Variants in RSL1D1 observed in about 807,000 individuals in gnomAD.
RSL1D1 encodes ribosomal L1 domain containing 1, also known as ribosomal L1 domain-containing protein 1.
Under a neutral mutation model 44.6 loss-of-function variants are expected in RSL1D1, and 34 were observed. The ratio of observed to expected loss-of-function variants is 0.76; its 90% confidence interval spans 0.58 to 1.02. The LOEUF (loss-of-function observed/expected upper bound fraction) is 1.02, where lower values mean the gene tolerates loss of function less well. Among genes scored for constraint, RSL1D1 ranks in the 50% least tolerant of loss-of-function variants. The pLI is 0.00. For missense variants in RSL1D1, 767 were observed against 568.1 expected, an observed-to-expected ratio of 1.35 and a Z score of -3.56; for synonymous variants, 271 against 207.4, an observed-to-expected ratio of 1.31 and a Z score of -2.63.
intron 5 of RSL1D1, among the ~76,000 whole-genome samples, chr16:11,843,228 C>A (rs1248453474): frequency 1.3e-5 from 2 of 151,684 alleles, no homozygotes; most frequent in Non-Finnish European, 2.9e-5. Flanking sequence ...AACCACTGCG[C>A]CCGGCCTAAT....
chr16:11,845,533 G>T (rs1400396050), intron 5 of RSL1D1, among the ~76,000 whole-genome samples: 1 of 152,022 alleles, frequency 6.6e-6, no homozygotes, highest in African/African-American at 2.4e-5. Flanking sequence ...CCAATGCAGT[G>T]ACCATCAGCC....
chr16:11,841,177 A>G (rs942742146), intron 7 of RSL1D1, among the ~76,000 whole-genome samples: 1 of 152,200 alleles, frequency 6.6e-6, no homozygotes. Context: ...TGGGAGCCCA[A>G]GGCAGGCGGA....
chr16:11,839,606 T>C (rs2053749369), intron 8 of RSL1D1, 89 bp downstream of exon 8: 1 of 1,526,414 alleles, frequency 6.6e-7, no homozygotes, highest in Admixed American at 2.2e-5. Context: ...ACTCTAGTAT[T>C]TTTCATCATT....
chr16:11,837,882 C>A lies in RSL1D1; in HGVS notation c.1378G>T (p.Ala460Ser), dbSNP rs1218473635. 6.2e-7 allele frequency: 1 copy of A among 1,614,012 alleles called. No homozygotes were observed. The highest frequency in any genetic ancestry group is 8.5e-7 in the Non-Finnish European group (1 of 1,180,008). Residue 460 changes from alanine (A) to serine (S), a missense_variant, in exon 9 of 9, where the codon GCC becomes TCC. Coordinates refer to ENST00000571133, the MANE Select transcript of RSL1D1 (RefSeq NM_015659.3). ...DARQTPKKPE[A>S]KFFTTPSKSV... ...TTACTAGGAGTGGTGAAAAACTTGG[C>A]CTCTGGCTTTTTTGGAGTCTGTCTC...
chr16:11,848,118 T>C (rs902638915), intron 2 of RSL1D1, among the ~76,000 whole-genome samples: 24 of 152,032 alleles, frequency 1.6e-4, no homozygotes, highest in African/African-American at 5.6e-4. Flanking sequence ...CCAGGCACGG[T>C]GGTAGGTGCC....
chr16:11,840,555 GAAAC>G (rs1385072421), intron 7 of RSL1D1, among the ~76,000 whole-genome samples: 21 of 152,248 alleles, frequency 1.4e-4, no homozygotes, highest in Admixed American at 2.6e-4. Context: ...GCGACAGAGT[GAAAC>G]TCTGTCTCAA....
intron 5 of RSL1D1, among the ~76,000 whole-genome samples, chr16:11,843,213 G>A (rs1163998657): frequency 6.6e-6 from 1 of 151,648 alleles, no homozygotes; most frequent in Non-Finnish European, 1.5e-5. Flanking sequence ...GGGATTACAG[G>A]CGTGAACCAC....
chr16:11,848,190 T>C (rs1218471765), intron 2 of RSL1D1, among the ~76,000 whole-genome samples: 2 of 151,950 alleles, frequency 1.3e-5, no homozygotes, highest in Non-Finnish European at 2.9e-5. Flanking sequence ...AAGGTGGAGG[T>C]TGCAGTGAGC....
rs755008165 is a variant in RSL1D1 at position 11,839,961 on chromosome 16, T to C, written c.880A>G (p.Arg294Gly). Residue 294 changes from arginine (R) to glycine (G), a missense_variant, in exon 8 of 9, where the codon AGA (arginine) becomes GGA (glycine). Physicochemically the swap from Arg to Gly is moderately radical, Grantham distance 125. Transcript: ENST00000571133. ...KKEARRKRRE[R>G]NFEKQKERKK... The stretch of plus-strand genomic sequence containing the variant: ...CTCTCCTTTTGTTTTTCAAAATTTC[T>C]TTCTCTTCGTTTTCTCCTTGCCTCC... 5 of 1,612,360 alleles carry C rather than the reference T, an allele frequency of 3.1e-6. No homozygotes were observed. The highest frequency in any genetic ancestry group is 3.4e-5 in the Admixed American group (2 of 59,604).
chr16:11,842,097 T>G, intron 5 of RSL1D1, 97 bp from the exon 6 acceptor site: 1 of 836,750 alleles, frequency 1.2e-6, no homozygotes, highest in Non-Finnish European at 1.8e-6. Context: ...AATCCTCAAG[T>G]TTTTCTTTTT....
At chr16:11,840,589 T>C (rs562618239) in intron 7 of RSL1D1, among the ~76,000 whole-genome samples, 15 of 152,206 alleles carry the variant, frequency 9.9e-5, no homozygotes, top group South Asian at 2.1e-4. Context: ...TAAAAATTCA[T>C]TGGACACAAT....
In RSL1D1 at chr16:11,837,547, C is replaced by T. The variant is rs2053730629; in HGVS notation, c.*240G>A. On this transcript the variant is annotated 3_prime_UTR_variant, in exon 9 of 9. Coordinates refer to ENST00000571133, the MANE Select transcript of RSL1D1 (RefSeq NM_015659.3). Reference sequence around the variant, plus strand: ...TGTATTTTTGGTACAGACAGGGTTTCACCATGTTGGCCAGGATGGTCTCGA... The same window carrying T: ...TGTATTTTTGGTACAGACAGGGTTTTACCATGTTGGCCAGGATGGTCTCGA... 5.0e-6 allele frequency: 2 copies of T among 397,120 alleles called. No homozygotes were observed. Among genetic ancestry groups the T allele is most frequent in the Non-Finnish European group, 9.1e-6 (2 of 220,906 alleles). The allele number at this position is 397,120 out of a possible 1,614,324, so 24.6% of individuals were successfully genotyped here.
Position 11,850,268 on chromosome 16 carries a change from T to G in RSL1D1, c.245+11A>C. On this transcript the variant is annotated intron_variant, in intron 2 of 8. Transcript: ENST00000571133. ...AGATAAAAACAGCAAAGGTAGAAAA[T>G]CACAACTTACAATCTGACCCTCAGT... 6.4e-7 allele frequency: 1 copy of G among 1,560,692 alleles called. No homozygotes were observed. Among genetic ancestry groups the G allele is most frequent in the South Asian group, 1.2e-5 (1 of 82,872 alleles).
At chr16:11,849,413 A>C (rs1287530179) in intron 2 of RSL1D1, 1 of 151,950 alleles carries the variant, frequency 6.6e-6, no homozygotes, top group Non-Finnish European at 1.5e-5. Flanking sequence ...AAGGAGAGAT[A>C]AAAGAATCGA....
At chr16:11,850,697 AG>A (rs937439218) in intron 1 of RSL1D1, among the ~76,000 whole-genome samples, 2 of 152,208 alleles carry the variant, frequency 1.3e-5, no homozygotes, top group African/African-American at 4.8e-5. Context: ...ATTGGGCTAG[AG>A]GGAAACGTGC....
Position 11,839,981 on chromosome 16 carries a change from G to C in RSL1D1, c.860C>G (p.Ala287Gly). The part of the protein sequence containing the change: ...RSLLNKKKKE[A>G]RRKRRERNFE... ...ATTTCTTTCTCTTCGTTTTCTCCTT[G>C]CCTCCTACCAAAAAACACCATACAA... is the stretch of plus-strand genomic sequence containing the variant. Residue 287 changes from alanine to glycine, a missense_variant, in exon 8 of 9, where the codon GCA becomes GGA. Physicochemically the swap from Ala to Gly is moderately conservative, Grantham distance 60. Coordinates refer to ENST00000571133, the MANE Select transcript of RSL1D1 (RefSeq NM_015659.3). The C allele has an allele frequency of 6.2e-7, 1 of 1,610,268 alleles. No individual in the cohort carries two copies. The highest frequency in any genetic ancestry group is 8.5e-7 in the Non-Finnish European group (1 of 1,178,848).
intron 5 of RSL1D1, among the ~76,000 whole-genome samples, chr16:11,843,594 C>T (rs879307018): frequency 8.1e-5 from 12 of 148,388 alleles, no homozygotes; most frequent in Non-Finnish European, 1.5e-4. Context: ...TGTGGCTGGG[C>T]GTGGTGGCTC....
rs954459301 is a variant in RSL1D1 at position 11,836,832 on chromosome 16, C to T, written c.*955G>A. On this transcript the variant is annotated 3_prime_UTR_variant, in exon 9 of 9. Coordinates refer to ENST00000571133, the MANE Select transcript of RSL1D1 (RefSeq NM_015659.3). ...TCATACAGCGAGACCCTCACTGGGC[C>T]ACTCTGGGAATGACTACAAATGAAT... The T allele has an allele frequency of 5.3e-5, 8 of 152,162 alleles. No homozygotes were observed. The highest frequency in any genetic ancestry group is 1.3e-4 in the Admixed American group (2 of 15,262). 9.4% of individuals were successfully genotyped at this position (152,162 alleles called of 1,614,324 possible).
In RSL1D1 at chr16:11,834,854, C is replaced by T. The variant is rs1049279953; in HGVS notation, c.*2933G>A. 1 of 152,144 alleles carries T rather than the reference C, an allele frequency of 6.6e-6. No homozygotes were observed. Among genetic ancestry groups the T allele is most frequent in the African/African-American group, 2.4e-5 (1 of 41,438 alleles). The allele number at this position is 152,144 out of a possible 1,614,324, so 9.4% of individuals were successfully genotyped here. A position where few individuals can be genotyped will look rare whatever the true frequency, so the allele number is the denominator to read the frequency against. ...ACAGGATTGGCATGCTGCCTCATGC[C>T]TGTAATCTGAACATTTTGGGAGGCT... is the stretch of plus-strand genomic sequence containing the variant. On this transcript the variant is annotated 3_prime_UTR_variant, in exon 9 of 9. Coordinates refer to ENST00000571133, the MANE Select transcript of RSL1D1 (RefSeq NM_015659.3).
Sources: gnomAD v4.1 joint callset for allele counts (sites outside exome capture counted in the v4.1 genomes callset) on GRCh38, gnomAD v4.1.1 for gene constraint, MANE v1.5 for transcripts, NCBI Gene and HGNC (gene_info 2026-07-23, HGNC 2026-07-21) for gene names.